KIAA1671: variants seen among roughly 807,000 people sequenced by gnomAD.
KIAA1671 encodes the protein uncharacterized protein KIAA1671.
Under a neutral mutation model 131.2 loss-of-function variants are expected in KIAA1671, and 52 were observed. That is an observed-to-expected ratio of 0.40 (90% CI 0.32 to 0.50). The LOEUF (loss-of-function observed/expected upper bound fraction) is 0.50, where lower values mean the gene tolerates loss of function less well. Ranked by LOEUF, KIAA1671 falls within the 20% of genes least tolerant of loss-of-function variation. The pLI is 0.73. For missense variants in KIAA1671, 2,360 were observed against 2,364.2 expected (o/e 1.00, Z 0.04); for synonymous variants, 1,003 against 961.6 (o/e 1.04, Z -0.80).
intron 6 of KIAA1671, among the ~76,000 whole-genome samples, chr22:25,086,574 C>G (rs1379770028): frequency 1.3e-5 from 2 of 152,218 alleles, no homozygotes; most frequent in East Asian, 3.8e-4. Context: ...TTTGTAGGAG[C>G]ATCCATCTGT....
intron 10 of KIAA1671, among the ~76,000 whole-genome samples, chr22:25,184,178 G>A (rs993872196): frequency 2.6e-5 from 4 of 152,264 alleles, no homozygotes; most frequent in African/African-American, 9.6e-5. Context: ...GAGTTGGGCT[G>A]CGGGCAGACC....
chr22:25,103,305 G>C (rs1276339549), intron 6 of KIAA1671, among the ~76,000 whole-genome samples: 1 of 150,752 alleles, frequency 6.6e-6, no homozygotes, highest in African/African-American at 2.5e-5. Flanking sequence ...CTGCCTCCCA[G>C]GTTCAAGCGA....
chr22:25,082,278 G>A (rs1189456086), intron 6 of KIAA1671, among the ~76,000 whole-genome samples: 2 of 152,276 alleles, frequency 1.3e-5, no homozygotes, highest in East Asian at 1.9e-4. Flanking sequence ...TGCCGTGCAC[G>A]TGTATTGAGT....
Position 24,978,300 on chromosome 22 carries a change from C to A in KIAA1671, c.-208+25528C>A, listed in dbSNP as rs9624686. On this transcript the variant is annotated intron_variant, in intron 1 of 12. Coordinates refer to ENST00000358431, the MANE Select transcript of KIAA1671 (RefSeq NM_001145206.2). ...GTTTTATCAGGTGTTTCTGCTTTTG[C>A]CTCTTCCTCATTTTTCTCTTGCTGC... is the stretch of plus-strand genomic sequence containing the variant. 1.4e-3 allele frequency among the ~76,000 whole-genome samples: 214 copies of A among 152,232 alleles called. 1 individual carries two copies. The highest frequency in any genetic ancestry group is 4.6e-3 in the African/African-American group (190 of 41,550).
Position 25,197,277 on chromosome 22 carries a change from G to A in KIAA1671, c.*4876G>A, listed in dbSNP as rs1934858224. The A allele has an allele frequency of 1.3e-5, 2 of 152,264 alleles. No homozygotes were observed. Among genetic ancestry groups the A allele is most frequent in the Middle Eastern group, 3.4e-3 (1 of 294 alleles). 9.4% of individuals were successfully genotyped at this position (152,264 alleles called of 1,614,324 possible). On this transcript the variant is annotated 3_prime_UTR_variant, in exon 13 of 13. Coordinates refer to ENST00000358431, the MANE Select transcript of KIAA1671 (RefSeq NM_001145206.2). ...TACCAGACCTCACAGAGTATTGGAC[G>A]TCTACAAGTGCTTTTATATTTTGTA...
chr22:25,163,436 T>A (rs1200437218), intron 6 of KIAA1671, among the ~76,000 whole-genome samples: 1 of 95,606 alleles, frequency 1.0e-5, no homozygotes, highest in African/African-American at 4.5e-5. Flanking sequence ...TTTCCTTGGC[T>A]GTATTTTTTT....
chr22:25,157,081 A>C (rs1187604740), intron 6 of KIAA1671, among the ~76,000 whole-genome samples: 2 of 152,234 alleles, frequency 1.3e-5, no homozygotes, highest in African/African-American at 4.8e-5. Flanking sequence ...AGAGGAGCCA[A>C]GTTGGGATCA....
intron 1 of KIAA1671, among the ~76,000 whole-genome samples, chr22:25,018,261 G>A (rs980197782): frequency 6.9e-5 from 10 of 144,006 alleles, no homozygotes; most frequent in African/African-American, 2.6e-4. Context: ...ATAGCCCAGC[G>A]TAGACCATGA....
chr22:24,960,166 TAAAA>T (rs1835891870), intron 1 of KIAA1671, among the ~76,000 whole-genome samples: 1 of 144,002 alleles, frequency 6.9e-6, no homozygotes, highest in African/African-American at 2.6e-5. Flanking sequence ...AATAAATAAA[TAAAA>T]TAAAACAAAT....
intron 6 of KIAA1671, among the ~76,000 whole-genome samples, chr22:25,169,571 A>G (rs1329321418): frequency 1.3e-5 from 2 of 152,206 alleles, no homozygotes; most frequent in Non-Finnish European, 1.5e-5. Flanking sequence ...CTCCCCACTC[A>G]ACAAAGCACA....
chr22:25,033,573 C>CTTTT (rs1926407784), intron 4 of KIAA1671, among the ~76,000 whole-genome samples: 3 of 71,698 alleles, frequency 4.2e-5, no homozygotes, highest in Admixed American at 1.4e-4. Flanking sequence ...GGTTTGTTTT[C>CTTTT]GTTTTTTTTT....
intron 6 of KIAA1671, among the ~76,000 whole-genome samples, chr22:25,103,894 G>A (rs55861892): frequency 0.048 from 7,255 of 152,292 alleles, 241 homozygotes; most frequent in Non-Finnish European, 0.075. Context: ...GGTTAATGAG[G>A]TGAGATGTGC....
Position 25,185,073 on chromosome 22 carries a change from G to T in KIAA1671, c.5296G>T (p.Val1766Leu), listed in dbSNP as rs1267877820. 4 of 1,551,572 alleles carry T rather than the reference G, an allele frequency of 2.6e-6. No individual in the cohort carries two copies. The highest frequency in any genetic ancestry group is 2.6e-6 in the Non-Finnish European group (3 of 1,147,006). Reference protein sequence around the residue: ...KSPKSPFQPGVLGSRVLPSSM... With the variant: ...KSPKSPFQPGLLGSRVLPSSM... Reference sequence around the variant, plus strand: ...CCCCAAGTCCCCCTTCCAGCCTGGGGTGCTGGGCAGTCGCGTGCTGCCTTC... The same window carrying T: ...CCCCAAGTCCCCCTTCCAGCCTGGGTTGCTGGGCAGTCGCGTGCTGCCTTC... The change falls in exon 11 of 13, where the codon GTG becomes TTG. Residue 1766 changes from valine (V) to leucine (L), a missense_variant. By Grantham distance (32) the Val-to-Leu change is conservative (BLOSUM62 1). Around this residue, in one of 3 missense-constraint regions of KIAA1671, gnomAD observed 1,161 missense variants for 1,204.7 expected, o/e 0.96. Transcript: ENST00000358431.
chr22:25,185,441 T>A, intron 11 of KIAA1671: 2 of 273,282 alleles, frequency 7.3e-6, no homozygotes, highest in Middle Eastern at 1.1e-3. Flanking sequence ...ATGGGGAAAC[T>A]GAGGCATTCT....
In KIAA1671 at chr22:25,179,555, G is replaced by T. The variant is rs568870443; in HGVS notation, c.5074+2033G>T. ...CTGCTTCAGCACCTGCGCCTCCTGC[G>T]TTGGGAAGGGAACGGAGCCGCTTCC... On this transcript the variant is annotated intron_variant, in intron 9 of 12. Transcript: ENST00000358431. The T allele has an allele frequency of 6.8e-5, 106 of 1,569,334 alleles. No individual in the cohort carries two copies. In the African/African-American group the frequency reaches 1.0e-3, roughly 15 times the overall value.
At chr22:25,027,598 G>A (rs1926018062) in intron 2 of KIAA1671, among the ~76,000 whole-genome samples, 4 of 152,296 alleles carry the variant, frequency 2.6e-5, no homozygotes, top group East Asian at 3.9e-4. Flanking sequence ...CAGTTACTTG[G>A]CCTCTCTGAG....
chr22:25,025,440 A>C (rs1347449924), intron 1 of KIAA1671, among the ~76,000 whole-genome samples, 193 bp from the exon 2 acceptor site: 1 of 152,200 alleles, frequency 6.6e-6, no homozygotes, highest in African/African-American at 2.4e-5. Context: ...TTTATTGAGC[A>C]CGTACTGTGG....
intron 4 of KIAA1671, among the ~76,000 whole-genome samples, chr22:25,037,255 G>T (rs1251908597): frequency 6.6e-6 from 1 of 150,996 alleles, no homozygotes; most frequent in Admixed American, 6.6e-5. Flanking sequence ...TCCGGAAGGC[G>T]GAGGTTGCAG....
At chr22:25,184,589 C>T (rs1466031002) in intron 10 of KIAA1671, among the ~76,000 whole-genome samples, 3 of 152,010 alleles carry the variant, frequency 2.0e-5, no homozygotes, top group Admixed American at 2.0e-4. Flanking sequence ...CTGTCGAAAA[C>T]TTCATTTTAT....
Sources: allele counts gnomAD v4.1 joint callset (sites outside exome capture counted in the v4.1 genomes callset), GRCh38; gene constraint gnomAD v4.1.1; regional missense constraint gnomAD v4.1.1; transcripts MANE v1.5; gene names NCBI Gene and HGNC (gene_info 2026-07-23, HGNC 2026-07-21).